Variants in EPHA4 observed in about 807,000 individuals in gnomAD.
EPHA4 encodes the protein ephrin type-A receptor 4.
In EPHA4, 19 loss-of-function variants were observed where a neutral mutation model predicts 108.3. The observed-to-expected ratio is 0.18, with a 90% CI of 0.12 to 0.26. The LOEUF (loss-of-function observed/expected upper bound fraction) is 0.26, where lower values mean the gene tolerates loss of function less well. EPHA4 is among the 10% of genes least tolerant of loss of function. The pLI is 1.00. For missense variants in EPHA4, 917 were observed against 1,254.0 expected (o/e 0.73, Z 4.06); for synonymous variants, 449 against 455.5 (o/e 0.99, Z 0.18).
Position 221,430,053 on chromosome 2 carries a change from C to T in EPHA4, c.2595G>A (p.Arg865=). Residue 865 remains arginine, a synonymous_variant, in exon 15 of 18, where the codon AGG becomes AGA. Transcript: ENST00000281821. ...QLMLDCWQKE[R]SDRPKFGQIV... ...TCTGCCCAAATTTAGGCCTGTCGCTCCTCTCCTTCTGCCAGCAGTCTAGCA... is the reference window on the plus strand; with the variant it reads ...TCTGCCCAAATTTAGGCCTGTCGCTTCTCTCCTTCTGCCAGCAGTCTAGCA... 5 of 1,614,114 alleles carry T rather than the reference C, an allele frequency of 3.1e-6. No individual in the cohort carries two copies. The highest frequency in any genetic ancestry group is 3.4e-6 in the Non-Finnish European group (4 of 1,180,032).
In EPHA4 at chr2:221,480,978, G is replaced by T. The variant is rs1202049765; in HGVS notation, c.1318+1374C>A. Among the ~76,000 whole-genome samples the T allele has an allele frequency of 5.3e-5, 8 of 152,138 alleles. 1 individual carries two copies. In the South Asian group the frequency reaches 1.7e-3, roughly 32 times the overall value. The stretch of plus-strand genomic sequence containing the variant: ...AAGTGCAGTTAGAGGCGATAGGATT[G>T]TTGGCAATTTATAATCCTTTTCTGG... On this transcript the variant is annotated intron_variant, in intron 5 of 17. Coordinates refer to ENST00000281821, the MANE Select transcript of EPHA4 (RefSeq NM_004438.5).
intron 17 of EPHA4, among the ~76,000 whole-genome samples, chr2:221,423,739 T>C (rs957527574): frequency 5.3e-5 from 8 of 151,416 alleles, no homozygotes; most frequent in African/African-American, 1.5e-4. Context: ...GAAAATACCT[T>C]GTCTTAAGTT....
At chr2:221,502,880 G>A (rs537276938) in intron 3 of EPHA4, among the ~76,000 whole-genome samples, 7 of 152,294 alleles carry the variant, frequency 4.6e-5, no homozygotes, top group East Asian at 1.9e-4. Context: ...TCACTGGACC[G>A]GAGCATCTTA....
intron 13 of EPHA4, among the ~76,000 whole-genome samples, chr2:221,435,243 A>T (rs1372370618): frequency 6.6e-6 from 1 of 152,216 alleles, no homozygotes; most frequent in Admixed American, 6.5e-5. Flanking sequence ...ACAGAAGGAC[A>T]CTTGTACTGC....
At chr2:221,524,139 C>T (rs574341495) in intron 3 of EPHA4, among the ~76,000 whole-genome samples, 4 of 152,234 alleles carry the variant, frequency 2.6e-5, no homozygotes, top group East Asian at 1.9e-4. Flanking sequence ...CATGAAGTAG[C>T]GGAGCAGAAG....
intron 8 of EPHA4, among the ~76,000 whole-genome samples, chr2:221,448,956 T>A (rs112154691): frequency 3.2e-4 from 49 of 152,278 alleles, no homozygotes; most frequent in African/African-American, 1.2e-3. Flanking sequence ...CCAGAGGAAA[T>A]ACAAAATGAC....
At chr2:221,556,894 A>G (rs187469231) in intron 3 of EPHA4, among the ~76,000 whole-genome samples, 5 of 152,292 alleles carry the variant, frequency 3.3e-5, no homozygotes, top group Admixed American at 3.3e-4. Context: ...ATATGTATAG[A>G]AAAAACATAA....
chr2:221,446,420 C>T (rs1574569833), intron 8 of EPHA4, among the ~76,000 whole-genome samples: 1 of 151,904 alleles, frequency 6.6e-6, no homozygotes, highest in South Asian at 2.1e-4. Context: ...AGGTGTCTTA[C>T]AATAGGTTAA....
At chr2:221,553,143 G>A (rs1694209142) in intron 3 of EPHA4, among the ~76,000 whole-genome samples, 1 of 152,088 alleles carries the variant, frequency 6.6e-6, no homozygotes, top group African/African-American at 2.4e-5. Flanking sequence ...ATACAGTAGG[G>A]ATAAGACTAC....
chr2:221,572,316 G>T, upstream of EPHA4: 1 of 1,423,436 alleles, frequency 7.0e-7, no homozygotes, highest in African/African-American at 1.4e-5. Context: ...AGTTAGGAGA[G>T]CAGCGGGCTG....
intron 4 of EPHA4, among the ~76,000 whole-genome samples, chr2:221,490,459 T>C (rs1692107365): frequency 1.3e-5 from 2 of 152,186 alleles, no homozygotes; most frequent in Admixed American, 1.3e-4. Flanking sequence ...GGATGGGAAA[T>C]GGAGCATCCC....
At chr2:221,423,512 A>G (rs913526025) in intron 17 of EPHA4, among the ~76,000 whole-genome samples, 3 of 152,170 alleles carry the variant, frequency 2.0e-5, no homozygotes, top group African/African-American at 4.8e-5. Context: ...TAATATATGC[A>G]TATGTTGAAA....
Position 221,457,784 on chromosome 2 carries a change from G to A in EPHA4, c.1443+82C>T. 4.1e-6 allele frequency: 6 copies of A among 1,459,802 alleles called. No homozygotes were observed. The Admixed American group carries it at 5.5e-5, about 13-fold the overall frequency. The allele number at this position is 1,459,802 out of a possible 1,614,324, so 90.4% of individuals were successfully genotyped here. ...AGAAAAGAAGAGAGGGAGGGAGGGA[G>A]GGAAGGAGAAAGGAAAGAAGAAAAC... On this transcript the variant is annotated intron_variant, in intron 6 of 17. Coordinates refer to ENST00000281821, the MANE Select transcript of EPHA4 (RefSeq NM_004438.5).
intron 9 of EPHA4, among the ~76,000 whole-genome samples, chr2:221,444,255 A>G (rs989327672): frequency 6.6e-6 from 1 of 152,238 alleles, no homozygotes; most frequent in African/African-American, 2.4e-5. Context: ...ATTGTAGCCT[A>G]GACATCAGGA....
In EPHA4 at chr2:221,430,046, T is replaced by G; in HGVS notation, c.2602A>C (p.Arg868=). The G allele has an allele frequency of 1.2e-6, 2 of 1,614,172 alleles. No homozygotes were observed. Among genetic ancestry groups the G allele is most frequent in the Non-Finnish European group, 1.7e-6 (2 of 1,180,034 alleles). Residue 868 remains arginine, a synonymous_variant, in exon 15 of 18, where the codon AGG becomes CGG. Coordinates refer to ENST00000281821, the MANE Select transcript of EPHA4 (RefSeq NM_004438.5). ...LDCWQKERSD[R]PKFGQIVNML... is the part of the protein sequence containing the mutation. ...TTGACAATCTGCCCAAATTTAGGCC[T>G]GTCGCTCCTCTCCTTCTGCCAGCAG...
intron 3 of EPHA4, among the ~76,000 whole-genome samples, chr2:221,525,548 G>A (rs1348732406): frequency 6.6e-6 from 1 of 152,188 alleles, no homozygotes; most frequent in Non-Finnish European, 1.5e-5. Flanking sequence ...AGGCTCGACA[G>A]TCAGACAAAC....
intron 15 of EPHA4, among the ~76,000 whole-genome samples, chr2:221,428,400 G>A (rs1689973744): frequency 1.3e-5 from 2 of 152,132 alleles, no homozygotes; most frequent in Non-Finnish European, 2.9e-5. Context: ...AAGCTTCAAA[G>A]CTATTTAAGT....
At chr2:221,513,306 G>T (rs1692886195) in intron 3 of EPHA4, among the ~76,000 whole-genome samples, 1 of 152,142 alleles carries the variant, frequency 6.6e-6, no homozygotes, top group African/African-American at 2.4e-5. Context: ...AGAGGCCTGG[G>T]AACGAATGAA....
chr2:221,458,132 A>C, intron 5 of EPHA4, 142 bp from the exon 6 acceptor site: 1 of 949,354 alleles, frequency 1.1e-6, no homozygotes, highest in South Asian at 1.8e-5. Context: ...ACTCTTCAGT[A>C]TAGAAGCATA....
Sources: allele counts gnomAD v4.1 joint callset (sites outside exome capture counted in the v4.1 genomes callset), GRCh38; gene constraint gnomAD v4.1.1; transcripts MANE v1.5; gene names NCBI Gene and HGNC (gene_info 2026-07-23, HGNC 2026-07-21).